Variants in ADAM12 observed in about 807,000 individuals in gnomAD.
ADAM12 encodes disintegrin and metalloproteinase domain-containing protein 12.
In ADAM12, 70 loss-of-function variants were observed where a neutral mutation model predicts 106.4. The observed-to-expected ratio is 0.66, with a 90% CI of 0.54 to 0.80. ADAM12 has a LOEUF of 0.80. Among genes scored for constraint, ADAM12 ranks in the 30% least tolerant of loss-of-function variants. The pLI is 0.00. For missense variants in ADAM12, 1,010 were observed against 1,171.9 expected (o/e 0.86, Z 2.02); for synonymous variants, 420 against 433.5 (o/e 0.97, Z 0.39).
At chr10:126,024,785 A>G (rs1393431647) in intron 21 of ADAM12, among the ~76,000 whole-genome samples, 1 of 152,126 alleles carries the variant, frequency 6.6e-6, no homozygotes, top group Non-Finnish European at 1.5e-5. Context: ...GGTCATCTAG[A>G]AAAAAATAAA....
chr10:126,038,180 C>T lies in ADAM12; in HGVS notation c.2349+61G>A, dbSNP rs1036920953. On this transcript the variant is annotated intron_variant, in intron 20 of 22. Coordinates refer to ENST00000448723, the MANE Select transcript of ADAM12 (RefSeq NM_001288973.2). ...CTAGGATCCCATTCTTATTCAGTCT[C>T]GTATTGAAAACCTCATGTCTGCATG... The T allele has an allele frequency of 2.3e-5, 32 of 1,398,546 alleles. No homozygotes were observed. In the East Asian group the frequency reaches 5.1e-4, roughly 22 times the overall value. 86.6% of individuals were successfully genotyped at this position (1,398,546 alleles called of 1,614,324 possible).
chr10:126,234,780 G>C (rs961541912), intron 3 of ADAM12, among the ~76,000 whole-genome samples: 2 of 152,182 alleles, frequency 1.3e-5, no homozygotes, highest in Non-Finnish European at 2.9e-5. Context: ...ACTCCAAATG[G>C]AGGGAGGATG....
intron 4 of ADAM12, among the ~76,000 whole-genome samples, chr10:126,135,912 T>C (rs1956396934): frequency 6.6e-6 from 1 of 152,202 alleles, no homozygotes; most frequent in African/African-American, 2.4e-5. Flanking sequence ...TCTGGCACCC[T>C]ACAGGAAAGC....
Position 126,347,029 on chromosome 10 carries a change from G to A in ADAM12, c.89-16520C>T, listed in dbSNP as rs150696741. Among the ~76,000 whole-genome samples the A allele has an allele frequency of 2.2e-3, 334 of 152,180 alleles. 3 individuals carry two copies. The highest frequency in any genetic ancestry group is 7.8e-3 in the African/African-American group (325 of 41,508). On this transcript the variant is annotated intron_variant, in intron 1 of 22. Coordinates refer to ENST00000448723, the MANE Select transcript of ADAM12 (RefSeq NM_001288973.2). ...AGCAGTTAGCCCATTTACACTTAAG[G>A]TTAATATTGTTATGTGTGAATTTGA...
At chr10:126,282,915 C>T (rs1959657689) in intron 2 of ADAM12, among the ~76,000 whole-genome samples, 1 of 152,080 alleles carries the variant, frequency 6.6e-6, no homozygotes, top group East Asian at 1.9e-4. Flanking sequence ...ATTATTATTA[C>T]TTACTGTGTA....
chr10:126,240,552 G>C (rs1365758183), intron 3 of ADAM12, among the ~76,000 whole-genome samples: 40 of 152,224 alleles, frequency 2.6e-4, no homozygotes, highest in East Asian at 1.9e-4. Flanking sequence ...GGTTAGGCAG[G>C]CCTATTTCAC....
intron 5 of ADAM12, among the ~76,000 whole-genome samples, chr10:126,131,051 G>A (rs1281806733): frequency 6.9e-6 from 1 of 144,154 alleles, no homozygotes. Context: ...CTTCATAATT[G>A]TTGCTGGAAG....
At position 126,324,376 on chromosome 10, in the gene ADAM12, TG is replaced by T. The variant is rs572330604; in HGVS notation, c.186+6035del. ...AAAGAACGTGGCCTATTTAGGCAAC[TG>T]GCTGCCCTGACAAGCTTCATGGCTA... On this transcript the variant is annotated intron_variant, in intron 2 of 22. Transcript: ENST00000448723. 3.3e-5 allele frequency among the ~76,000 whole-genome samples: 5 copies of T among 152,176 alleles called. No homozygotes were observed. In the South Asian group the frequency reaches 8.3e-4, roughly 25 times the overall value.
chr10:126,302,690 C>T (rs528156501), intron 2 of ADAM12, among the ~76,000 whole-genome samples: 2 of 152,202 alleles, frequency 1.3e-5, no homozygotes, highest in African/African-American at 2.4e-5. Context: ...AAAAGGAAAC[C>T]ACCAATGGTG....
chr10:126,189,423 C>A (rs1957457094), intron 3 of ADAM12, among the ~76,000 whole-genome samples: 1 of 152,146 alleles, frequency 6.6e-6, no homozygotes, highest in Admixed American at 6.5e-5. Context: ...AGTCAGCTTC[C>A]AACTCCTCTT....
chr10:126,233,558 T>C (rs1243313929), intron 3 of ADAM12, among the ~76,000 whole-genome samples: 2 of 152,024 alleles, frequency 1.3e-5, no homozygotes, highest in Non-Finnish European at 2.9e-5. Flanking sequence ...CTGGTATATG[T>C]TGTGGGCTGC....
At chr10:126,251,969 T>C (rs1027499908) in intron 3 of ADAM12, among the ~76,000 whole-genome samples, 1 of 1,750 alleles carries the variant, frequency 5.7e-4, no homozygotes, top group African/African-American at 2.4e-3. Flanking sequence ...AATGGATAGA[T>C]GGTTGGATGA....
chr10:126,249,853 G>C (rs1313361982), intron 3 of ADAM12, among the ~76,000 whole-genome samples: 1 of 152,088 alleles, frequency 6.6e-6, no homozygotes, highest in Admixed American at 6.6e-5. Flanking sequence ...AAGACATACA[G>C]ACCCACTTCC....
Position 126,158,557 on chromosome 10 carries a change from A to C in ADAM12, c.261-3252T>G, listed in dbSNP as rs1956868327. ...AGAGCACGGGGAGGATGCACAGAGC[A>C]TGGGGCAGGGATGCACAGAGCCGGG... On this transcript the variant is annotated intron_variant, in intron 3 of 22. Transcript: ENST00000448723. Among the ~76,000 whole-genome samples the C allele has an allele frequency of 1.9e-5, 2 of 103,180 alleles. 1 individual carries two copies. Among genetic ancestry groups the C allele is most frequent in the Non-Finnish European group, 4.0e-5 (2 of 50,492 alleles). 67.7% of individuals were successfully genotyped at this position (103,180 alleles called of 152,430 possible). A position where few individuals can be genotyped will look rare whatever the true frequency, so the allele number is the denominator to read the frequency against.
At chr10:126,314,360 G>C (rs1016074221) in intron 2 of ADAM12, among the ~76,000 whole-genome samples, 2 of 152,120 alleles carry the variant, frequency 1.3e-5, no homozygotes, top group Non-Finnish European at 2.9e-5. Context: ...TGGTGTGAGG[G>C]GGGTGCTCCA....
rs1323603736 is a variant in ADAM12, at chr10:126,053,160, C to T, written c.1610-3491G>A. On this transcript the variant is annotated intron_variant, in intron 14 of 22. Coordinates refer to ENST00000448723, the MANE Select transcript of ADAM12 (RefSeq NM_001288973.2). This position sits in a 1 kb window ranked among gnomAD's most constrained non-coding sequence, Gnocchi z 4.6. ...CGGCCGCGTGATGTGCCTGCTTCTC[C>T]TTCACCTTCTGCCATGATTGGAAGC... 6.6e-6 allele frequency among the ~76,000 whole-genome samples: 1 copy of T among 152,160 alleles called. No homozygotes were observed. Among genetic ancestry groups the T allele is most frequent in the Non-Finnish European group, 1.5e-5 (1 of 68,032 alleles).
Position 126,109,762 on chromosome 10 carries a change from A to C in ADAM12, c.669+13T>G. ...CTAACCAACCATACTGAGAAATTTTAAAAAGTTCTTACCTCTCGGTTGTCT... is the reference window on the plus strand; with the variant it reads ...CTAACCAACCATACTGAGAAATTTTCAAAAGTTCTTACCTCTCGGTTGTCT... On this transcript the variant is annotated intron_variant, in intron 7 of 22. Coordinates refer to ENST00000448723, the MANE Select transcript of ADAM12 (RefSeq NM_001288973.2). 6.2e-7 allele frequency: 1 copy of C among 1,606,350 alleles called. No individual in the cohort carries two copies. Among genetic ancestry groups the C allele is most frequent in the South Asian group, 1.1e-5 (1 of 90,592 alleles).
chr10:126,147,529 T>A (rs1376911945), intron 4 of ADAM12, among the ~76,000 whole-genome samples: 2 of 152,158 alleles, frequency 1.3e-5, no homozygotes, highest in Non-Finnish European at 2.9e-5. Flanking sequence ...ACGCTATGAC[T>A]TTCATCAGCT....
intron 1 of ADAM12, among the ~76,000 whole-genome samples, chr10:126,361,869 C>T (rs748203391): frequency 6.6e-6 from 1 of 151,958 alleles, no homozygotes; most frequent in Non-Finnish European, 1.5e-5. Context: ...TGATGTTGGT[C>T]TATAGGCAAT....
Sources: allele counts gnomAD v4.1 joint callset (sites outside exome capture counted in the v4.1 genomes callset), GRCh38; gene constraint gnomAD v4.1.1; non-coding constraint Gnocchi (gnomAD v3.1); transcripts MANE v1.5; gene names NCBI Gene and HGNC (gene_info 2026-07-23, HGNC 2026-07-21).